XIAP: variants seen among roughly 807,000 people sequenced by gnomAD.
XIAP encodes the protein E3 ubiquitin-protein ligase XIAP.
XIAP carries 3 observed loss-of-function variants against 33.1 expected under a neutral mutation model. The observed-to-expected ratio is 0.09, with a 90% CI of 0.04 to 0.23. XIAP has a LOEUF of 0.23. Among genes scored for constraint, XIAP ranks in the 10% least tolerant of loss-of-function variants. The pLI is 1.00. For missense variants in XIAP, 264 were observed against 363.0 expected, an observed-to-expected ratio of 0.73 and a Z score of 2.22; for synonymous variants, 98 against 121.3, an observed-to-expected ratio of 0.81 and a Z score of 1.26.
chrX:123,860,834 G>A (rs1041596189), intron 1 of XIAP, among the ~76,000 whole-genome samples: 1 of 111,728 alleles, frequency 9.0e-6, no homozygotes, highest in Admixed American at 9.6e-5. Flanking sequence ...GGGGAGGGGA[G>A]TGTTTATTCT....
intron 5 of XIAP, among the ~76,000 whole-genome samples, chrX:123,899,119 CAAAAAAAAAA>C (rs1187328706): frequency 1.4e-4 from 1 of 7,219 alleles, no homozygotes; most frequent in Non-Finnish European, 2.0e-4. Flanking sequence ...GACTACGTCT[CAAAAAAAAAA>C]AAAAAAAAAA....
At chrX:123,876,654 A>G (rs1248860301) in intron 1 of XIAP, among the ~76,000 whole-genome samples, 3 of 111,055 alleles carry the variant, frequency 2.7e-5, no homozygotes, top group Admixed American at 9.7e-5. Context: ...ACAGTGAGCT[A>G]TGATCACACT....
intron 6 of XIAP, among the ~76,000 whole-genome samples, chrX:123,903,451 G>A (rs1292372693): frequency 1.8e-5 from 2 of 109,130 alleles, no homozygotes; most frequent in Non-Finnish European, 3.8e-5. Flanking sequence ...GCCTCATAAA[G>A]TGCTGGGATT....
intron 2 of XIAP, among the ~76,000 whole-genome samples, chrX:123,887,992 AAT>A (rs1403584395): frequency 4.3e-4 from 43 of 100,283 alleles, no homozygotes; most frequent in African/African-American, 1.5e-3. Context: ...CTCAGAAAAA[AAT>A]AATAATAATT....
chrX:123,864,231 T>C (rs2053107221), intron 1 of XIAP, among the ~76,000 whole-genome samples: 1 of 103,167 alleles, frequency 9.7e-6, no homozygotes, highest in Non-Finnish European at 2.0e-5. Context: ...TTAATTTCTT[T>C]AGTAAATCCT....
chrX:123,875,984 C>G lies in XIAP; in HGVS notation c.-32-9647C>G, dbSNP rs143502622. ...TACAGGTGTGAGCCACTGCACCCAG[C>G]CTTCTTATAGATTTATAAGTGTATT... On this transcript the variant is annotated intron_variant, in intron 1 of 6. Transcript: ENST00000371199. Among the ~76,000 whole-genome samples, 64 of 112,230 alleles carry G rather than the reference C, an allele frequency of 5.7e-4. No homozygotes were observed. In the East Asian group the frequency reaches 0.016, roughly 27 times the overall value.
At chrX:123,862,010 G>A in intron 1 of XIAP, among the ~76,000 whole-genome samples, 1 of 111,897 alleles carries the variant, frequency 8.9e-6, no homozygotes, top group South Asian at 3.7e-4. Context: ...TGCTTCAGTG[G>A]TAGCACATAT....
chrX:123,875,860 A>G (rs770312991), intron 1 of XIAP, among the ~76,000 whole-genome samples: 1 of 110,551 alleles, frequency 9.0e-6, no homozygotes, highest in Middle Eastern at 4.7e-3. Context: ...TAATTTTTGT[A>G]TTTTTAGTAG....
intron 5 of XIAP, among the ~76,000 whole-genome samples, chrX:123,894,124 C>T (rs1488772590): frequency 8.9e-6 from 1 of 112,517 alleles, no homozygotes; most frequent in Admixed American, 9.5e-5. Flanking sequence ...CCAGCTTCTT[C>T]ACAGAGGTGT....
At chrX:123,874,580 T>C (rs1478225271) in intron 1 of XIAP, 3 of 111,464 alleles carry the variant, frequency 2.7e-5, no homozygotes, top group Non-Finnish European at 5.6e-5. Flanking sequence ...AATGGTTACC[T>C]GGTGGCCCAT....
At chrX:123,897,425 G>C (rs1038683144) in intron 5 of XIAP, among the ~76,000 whole-genome samples, 4 of 111,723 alleles carry the variant, frequency 3.6e-5, no homozygotes, top group Non-Finnish European at 7.5e-5. Context: ...TTTGTATATG[G>C]TATCAGGTAG....
At chrX:123,873,437 G>A (rs1391300195) in intron 1 of XIAP, among the ~76,000 whole-genome samples, 1 of 109,560 alleles carries the variant, frequency 9.1e-6, no homozygotes, top group Non-Finnish European at 1.9e-5. Context: ...ACCTCCCAAA[G>A]TGCTGGGAAT....
At chrX:123,879,290 T>C (rs1209812859) in intron 1 of XIAP, 3 of 105,408 alleles carry the variant, frequency 2.8e-5, no homozygotes, top group Admixed American at 1.1e-4. Context: ...AGCCTTTTTC[T>C]GTGGTTGACA....
intron 1 of XIAP, among the ~76,000 whole-genome samples, chrX:123,871,524 T>C (rs1336242063): frequency 1.8e-5 from 2 of 109,785 alleles, no homozygotes; most frequent in African/African-American, 3.3e-5. Context: ...TTCTTTCTTT[T>C]TTTTTTTTTG....
chrX:123,890,162 G>A (rs1354220845), intron 3 of XIAP, among the ~76,000 whole-genome samples: 23 of 100,996 alleles, frequency 2.3e-4, no homozygotes, highest in African/African-American at 7.6e-4. Context: ...GACTACAGGC[G>A]CCCGCTACCA....
rs146528983 is a variant in XIAP, at chrX:123,870,962, C to T, written c.-33+10669C>T. 9.2e-3 allele frequency among the ~76,000 whole-genome samples: 1,009 copies of T among 110,204 alleles called. 6 individuals are homozygous for T. Among genetic ancestry groups the T allele is most frequent in the Middle Eastern group, 0.014 (3 of 215 alleles). On this transcript the variant is annotated intron_variant, in intron 1 of 6. Coordinates refer to ENST00000371199, the MANE Select transcript of XIAP (RefSeq NM_001167.4). Reference sequence around the variant, plus strand: ...TGTGCGTGTGTGTGTGTGAGGGAGTCGGAGTTTCACTCTGTCAGCCAGGCT... The same window carrying T: ...TGTGCGTGTGTGTGTGTGAGGGAGTTGGAGTTTCACTCTGTCAGCCAGGCT...
chrX:123,912,873 C>G lies in XIAP; in HGVS notation c.*5692C>G, dbSNP rs1368305333. 3.1e-6 allele frequency: 1 copy of G among 324,675 alleles called. No homozygotes were observed. Among genetic ancestry groups the G allele is most frequent in the Non-Finnish European group, 5.9e-6 (1 of 168,782 alleles). The allele number at this position is 324,675 out of a possible 1,213,427, so 26.8% of individuals were successfully genotyped here. A position where few individuals can be genotyped will look rare whatever the true frequency, so the allele number is the denominator to read the frequency against. On this transcript the variant is annotated 3_prime_UTR_variant, in exon 7 of 7. Transcript: ENST00000371199. Reference sequence around the variant, plus strand: ...GTTTCACCATGTTGGCCAGGCTAGTCTTGAATTTCTGACCTCAAGTGATTC... The same window carrying G: ...GTTTCACCATGTTGGCCAGGCTAGTGTTGAATTTCTGACCTCAAGTGATTC...
intron 4 of XIAP, among the ~76,000 whole-genome samples, chrX:123,892,425 G>C (rs1475580508): frequency 1.8e-5 from 2 of 110,860 alleles, no homozygotes; most frequent in Non-Finnish European, 3.8e-5. Context: ...GGTGGCCAAG[G>C]CATCAGTAAT....
intron 1 of XIAP, among the ~76,000 whole-genome samples, chrX:123,883,743 A>C (rs754541605): frequency 9.1e-6 from 1 of 109,852 alleles, no homozygotes; most frequent in Admixed American, 9.8e-5. Flanking sequence ...TGATTTGCCC[A>C]CCTCGGCCTC....
Sources: allele counts gnomAD v4.1 joint callset (sites outside exome capture counted in the v4.1 genomes callset), GRCh38; gene constraint gnomAD v4.1.1; transcripts MANE v1.5; gene names NCBI Gene and HGNC (gene_info 2026-07-23, HGNC 2026-07-21).